BIN3: variants seen among roughly 807,000 people sequenced by gnomAD.
BIN3 encodes bridging integrator 3.
Under a neutral mutation model 38.2 loss-of-function variants are expected in BIN3, and 41 were observed. The observed-to-expected ratio is 1.07, with a 90% CI of 0.84 to 1.39. The LOEUF is 1.39. BIN3 is among the 40% of genes most tolerant of loss of function. BIN3 has a pLI of 0.00. For synonymous variants in BIN3, 145 were observed against 122.6 expected (o/e 1.18, Z -1.21); for missense variants, 361 against 324.3 (o/e 1.11, Z -0.87).
intron 4 of BIN3, among the ~76,000 whole-genome samples, chr8:22,633,780 GC>G (rs982490350): frequency 1.3e-5 from 2 of 152,188 alleles, no homozygotes; most frequent in African/African-American, 4.8e-5. Context: ...TGGAGGTGGG[GC>G]CCAGCGGCCC....
At chr8:22,621,631 A>G in intron 8 of BIN3, 63 bp from the exon 9 acceptor site, 5 of 1,515,334 alleles carry the variant, frequency 3.3e-6, no homozygotes, top group South Asian at 1.1e-5. Flanking sequence ...TCAGGGGGCC[A>G]GAGGCTCACA....
intron 1 of BIN3, among the ~76,000 whole-genome samples, chr8:22,659,465 G>A (rs144321194): frequency 1.1e-3 from 165 of 152,268 alleles, no homozygotes; most frequent in African/African-American, 3.6e-3. Context: ...CTTCCCCACC[G>A]CTCCACAGGC....
At chr8:22,665,930 A>G (rs1204959944) in intron 1 of BIN3, among the ~76,000 whole-genome samples, 1 of 152,090 alleles carries the variant, frequency 6.6e-6, no homozygotes, top group African/African-American at 2.4e-5. Context: ...GTCAGCAGGA[A>G]TGGCCACTCC....
At chr8:22,647,341 G>C (rs533284278) in intron 1 of BIN3, among the ~76,000 whole-genome samples, 6 of 152,286 alleles carry the variant, frequency 3.9e-5, no homozygotes, top group Admixed American at 1.3e-4. Flanking sequence ...AGAACTGTAA[G>C]TTACCATAGA....
intron 4 of BIN3, 134 bp from the exon 5 acceptor site, chr8:22,630,712 G>A (rs1036357643): frequency 7.2e-6 from 7 of 976,362 alleles, no homozygotes; most frequent in East Asian, 5.3e-5. Flanking sequence ...CGTCAAGAAC[G>A]GCGAAGTACC....
At position 22,634,071 on chromosome 8, in the gene BIN3, C is replaced by T. The variant is rs115263653; in HGVS notation, c.160+2454G>A. Among the ~76,000 whole-genome samples, 547 of 152,370 alleles carry T rather than the reference C, an allele frequency of 3.6e-3. 3 individuals are homozygous for T. Among genetic ancestry groups the T allele is most frequent in the African/African-American group, 0.013 (524 of 41,582 alleles). On this transcript the variant is annotated intron_variant, in intron 4 of 8. Transcript: ENST00000276416. The stretch of plus-strand genomic sequence containing the variant: ...GTAGCAAGCCACTGTGAACACAGCA[C>T]ACCCTGGCTTCGTTTATGCTCTGAC...
Position 22,624,377 on chromosome 8 carries a change from T to G in BIN3, c.339-14A>C. 6.2e-7 allele frequency: 1 copy of G among 1,609,230 alleles called. No homozygotes were observed. The highest frequency in any genetic ancestry group is 8.5e-7 in the Non-Finnish European group (1 of 1,177,042). ...ACACTGCCGAACCTGTGGGACAAGC[T>G]GGCTGGAGATGGGCCCGTTCTTGAA... On this transcript the variant is annotated splice_polypyrimidine_tract_variant and intron_variant, in intron 6 of 8. Coordinates refer to ENST00000276416, the MANE Select transcript of BIN3 (RefSeq NM_018688.6).
rs144605380 is a variant in BIN3, at chr8:22,632,760, G to A, written c.161-2182C>T. On this transcript the variant is annotated intron_variant, in intron 4 of 8. Coordinates refer to ENST00000276416, the MANE Select transcript of BIN3 (RefSeq NM_018688.6). Reference sequence around the variant, plus strand: ...GCTCTTGTCACCCAGGCTGGATGGAGTGCAATGGCATCATCTCGGCTCACT... The same window carrying A: ...GCTCTTGTCACCCAGGCTGGATGGAATGCAATGGCATCATCTCGGCTCACT... Among the ~76,000 whole-genome samples, 34 of 149,166 alleles carry A rather than the reference G, an allele frequency of 2.3e-4. No homozygotes were observed. In the East Asian group the frequency reaches 6.0e-3, roughly 26 times the overall value.
intron 4 of BIN3, among the ~76,000 whole-genome samples, chr8:22,634,813 A>C (rs952869788): frequency 6.6e-6 from 1 of 152,130 alleles, no homozygotes; most frequent in African/African-American, 2.4e-5. Context: ...CAAAGGAATG[A>C]GTGGGGCATG....
At chr8:22,642,963 G>A (rs1040643259) in intron 2 of BIN3, among the ~76,000 whole-genome samples, 2 of 152,236 alleles carry the variant, frequency 1.3e-5, no homozygotes, top group African/African-American at 4.8e-5. Flanking sequence ...CCACTCCTTA[G>A]ATCAACGGAG....
rs1180953830 is a variant in BIN3 at position 22,629,944 on chromosome 8, C to T, written c.338+20G>A. The T allele has an allele frequency of 3.8e-6, 6 of 1,599,074 alleles. No homozygotes were observed. Among genetic ancestry groups the T allele is most frequent in the South Asian group, 1.1e-5 (1 of 88,716 alleles). On this transcript the variant is annotated intron_variant, in intron 6 of 8. Coordinates refer to ENST00000276416, the MANE Select transcript of BIN3 (RefSeq NM_018688.6). ...CCTCTCCCATAAGTGCCCCGAGGCCCCCAGGTGACATTTACTCACTTTTTT... is the reference window on the plus strand; with the variant it reads ...CCTCTCCCATAAGTGCCCCGAGGCCTCCAGGTGACATTTACTCACTTTTTT...
intron 1 of BIN3, among the ~76,000 whole-genome samples, chr8:22,664,392 C>A (rs1231148837): frequency 1.3e-5 from 2 of 152,206 alleles, no homozygotes; most frequent in Non-Finnish European, 2.9e-5. Flanking sequence ...ATGCTCTCCA[C>A]AGAGGAAGAA....
chr8:22,636,522 T>C lies in BIN3; in HGVS notation c.160+3A>G. The C allele has an allele frequency of 6.4e-7, 1 of 1,552,196 alleles. No homozygotes were observed. Among genetic ancestry groups the C allele is most frequent in the Non-Finnish European group, 8.7e-7 (1 of 1,147,348 alleles). On this transcript the variant is annotated splice_donor_region_variant and intron_variant, in intron 4 of 8. Transcript: ENST00000276416. ...CGAGTGGTGCGGGTGGAAAGTCACC[T>C]ACCCAGGTCTGCGTCGGTGCTCTTC...
At chr8:22,630,357 C>A in intron 5 of BIN3, 85 bp downstream of exon 5, 2 of 1,542,960 alleles carry the variant, frequency 1.3e-6, no homozygotes, top group Non-Finnish European at 1.8e-6. Flanking sequence ...AGAGGGAGCC[C>A]ACTCGGGCCT....
intron 1 of BIN3, among the ~76,000 whole-genome samples, chr8:22,647,199 TCA>T (rs1420155173): frequency 2.0e-5 from 3 of 152,178 alleles, no homozygotes; most frequent in Admixed American, 6.5e-5. Flanking sequence ...TAAAGAAGTC[TCA>T]GAGTGGTCTT....
intron 1 of BIN3, among the ~76,000 whole-genome samples, chr8:22,649,859 C>CCA (rs976556288): frequency 3.7e-5 from 5 of 133,590 alleles, no homozygotes; most frequent in African/African-American, 1.6e-4. Flanking sequence ...ACACACACAC[C>CCA]CCCAAAGGAA....
intron 8 of BIN3, among the ~76,000 whole-genome samples, chr8:22,621,877 T>G (rs1801834309): frequency 6.6e-6 from 1 of 152,222 alleles, no homozygotes; most frequent in Non-Finnish European, 1.5e-5. Context: ...GCACCATGAC[T>G]GGAGTTTTAC....
chr8:22,629,735 G>A (rs1393090584), intron 6 of BIN3: 1 of 581,824 alleles, frequency 1.7e-6, no homozygotes, highest in Non-Finnish European at 3.1e-6. Flanking sequence ...TGGGAAGGGG[G>A]TGGTGGCAGG....
At chr8:22,637,550 C>T (rs1033149019) in intron 2 of BIN3, among the ~76,000 whole-genome samples, 2 of 152,210 alleles carry the variant, frequency 1.3e-5, no homozygotes, top group Admixed American at 1.3e-4. Flanking sequence ...TCTCCATTCC[C>T]GACCGGGTAT....
Sources: allele counts gnomAD v4.1 joint callset (sites outside exome capture counted in the v4.1 genomes callset), GRCh38; gene constraint gnomAD v4.1.1; transcripts MANE v1.5; gene names NCBI Gene and HGNC (gene_info 2026-07-23, HGNC 2026-07-21).